The following TENM2 variants were observed in gnomAD, a reference collection of about 807,000 sequenced individuals.
The protein encoded by TENM2 is teneurin-2.
In TENM2, 52 loss-of-function variants were observed where a neutral mutation model predicts 245.2. That is an observed-to-expected ratio of 0.21 (90% CI 0.17 to 0.27). The LOEUF is 0.27. TENM2 is among the 10% of genes least tolerant of loss of function. TENM2 has a pLI of 1.00. For synonymous variants in TENM2, 1,363 were observed against 1,438.9 expected, an observed-to-expected ratio of 0.95 and a Z score of 1.19; for missense variants, 3,046 against 3,666.8, an observed-to-expected ratio of 0.83 and a Z score of 4.37.
In TENM2 at chr5:168,259,545, G is replaced by A. The variant is rs145932908; in HGVS notation, c.7433-738G>A. Among the ~76,000 whole-genome samples, 1,414 of 152,070 alleles carry A rather than the reference G, an allele frequency of 9.3e-3. 22 individuals carry two copies. The highest frequency in any genetic ancestry group is 0.032 in the African/African-American group (1,342 of 41,468). On this transcript the variant is annotated intron_variant, in intron 27 of 28. Transcript: ENST00000518659. Reference sequence around the variant, plus strand: ...GGAGTTTGCAGTGAGCTGAGATTGCGCCACCGCACTCCAGCCTGGGCAACA... The same window carrying A: ...GGAGTTTGCAGTGAGCTGAGATTGCACCACCGCACTCCAGCCTGGGCAACA...
intron 14 of TENM2, among the ~76,000 whole-genome samples, chr5:168,193,546 T>A (rs1761133316): frequency 6.6e-6 from 1 of 152,224 alleles, no homozygotes; most frequent in East Asian, 1.9e-4. Context: ...AGGAAGAATT[T>A]GAAAAATAGA....
intron 3 of TENM2, among the ~76,000 whole-genome samples, chr5:167,934,610 G>A (rs181873181): frequency 1.3e-5 from 2 of 152,330 alleles, no homozygotes; most frequent in Admixed American, 6.5e-5. Flanking sequence ...TGGAACGAGG[G>A]AGTTTGGCTG....
chr5:167,583,118 C>T (rs1489977176), intron 2 of TENM2, among the ~76,000 whole-genome samples: 2 of 152,120 alleles, frequency 1.3e-5, no homozygotes, highest in African/African-American at 4.8e-5. Flanking sequence ...GTGGAGTTGT[C>T]CGTGACTCTT....
At chr5:167,191,120 G>A in the TENM2 span, among the ~76,000 whole-genome samples, 4 of 151,826 alleles carry the variant, frequency 2.6e-5, no homozygotes, top group Non-Finnish European at 5.9e-5. Flanking sequence ...GTCAGGAAAG[G>A]AAATTCTAGA....
the TENM2 span, among the ~76,000 whole-genome samples, chr5:167,009,568 G>T: frequency 2.6e-5 from 4 of 152,116 alleles, no homozygotes; most frequent in Admixed American, 1.3e-4. Flanking sequence ...TCGTTGAATG[G>T]CATGGTCCCA....
At position 167,702,734 on chromosome 5, in the gene TENM2, G is replaced by A. The variant is rs1582793931; in HGVS notation, c.503-173252G>A. ...GGCTGGAGTGCAATGGTACAATCTC[G>A]ACTCACTGCAACCTCCGCCTCCTGG... is the stretch of plus-strand genomic sequence containing the variant. On this transcript the variant is annotated intron_variant, in intron 2 of 28. Transcript: ENST00000518659. 3.9e-5 allele frequency among the ~76,000 whole-genome samples: 6 copies of A among 151,952 alleles called. No individual in the cohort carries two copies. The South Asian group carries it at 1.0e-3, about 26-fold the overall frequency.
At chr5:167,487,573 A>T (rs2127538239) in intron 2 of TENM2, among the ~76,000 whole-genome samples, 1 of 152,244 alleles carries the variant, frequency 6.6e-6, no homozygotes, top group South Asian at 2.1e-4. Flanking sequence ...ATGTGGTCTG[A>T]TGTCTTTTCA....
intron 9 of TENM2, among the ~76,000 whole-genome samples, chr5:168,103,310 A>G (rs1323494010): frequency 1.3e-5 from 2 of 152,200 alleles, no homozygotes; most frequent in African/African-American, 4.8e-5. Flanking sequence ...CTATGTCCAC[A>G]TTTTAAATTT....
chr5:168,178,729 G>A (rs988735072), intron 13 of TENM2, among the ~76,000 whole-genome samples: 1 of 152,190 alleles, frequency 6.6e-6, no homozygotes, highest in Non-Finnish European at 1.5e-5. Flanking sequence ...TAAGTCCTGT[G>A]ACATTCAGAG....
At chr5:167,411,595 T>G (rs1004624943) in intron 2 of TENM2, among the ~76,000 whole-genome samples, 33 of 151,132 alleles carry the variant, frequency 2.2e-4, no homozygotes, top group Non-Finnish European at 4.4e-4. Context: ...TGTGTGTGTG[T>G]GTGTGTGTGT....
the TENM2 span, among the ~76,000 whole-genome samples, chr5:167,236,423 A>G: frequency 6.6e-6 from 1 of 152,100 alleles, no homozygotes; most frequent in Admixed American, 6.5e-5. Flanking sequence ...AGTGATTCCT[A>G]TCATTGAATT....
chr5:168,191,531 A>ACTG (rs1760961359), intron 14 of TENM2, among the ~76,000 whole-genome samples: 1 of 152,034 alleles, frequency 6.6e-6, no homozygotes, highest in African/African-American at 2.4e-5. Context: ...AGAAATAAAA[A>ACTG]CTGCTGGTCA....
rs188122891 is a variant in TENM2 at position 168,152,089 on chromosome 5, A to T, written c.2423-10522A>T. Among the ~76,000 whole-genome samples, 230 of 152,298 alleles carry T rather than the reference A, an allele frequency of 1.5e-3. 5 individuals are homozygous for T. The highest frequency in any genetic ancestry group is 0.015 in the Admixed American group (223 of 15,298). On this transcript the variant is annotated intron_variant, in intron 12 of 28. Transcript: ENST00000518659. ...TTTGGCCAAATTACTTAACTTTTCCATGCCTCCATTTCCTCACCTATAAAA... is the reference window on the plus strand; with the variant it reads ...TTTGGCCAAATTACTTAACTTTTCCTTGCCTCCATTTCCTCACCTATAAAA...
the TENM2 span, among the ~76,000 whole-genome samples, chr5:167,248,801 T>C: frequency 3.0e-5 from 1 of 33,868 alleles, no homozygotes; most frequent in Admixed American, 5.0e-4. Context: ...TATGTGTGCG[T>C]GTGTGTGTAT....
chr5:167,283,146 C>A (rs1375143593), upstream of TENM2, among the ~76,000 whole-genome samples: 1 of 151,934 alleles, frequency 6.6e-6, no homozygotes, highest in Non-Finnish European at 1.5e-5. Context: ...TGGGTTCCAG[C>A]AATTCTCCTG....
Position 167,536,847 on chromosome 5 carries a change from G to A in TENM2, c.502+161374G>A, listed in dbSNP as rs1012426440. ...AGCCTGGCCAACATGGTGAAGCCCTGTCTCTACTAAAAATATAAAAACAAA... is the reference window on the plus strand; with the variant it reads ...AGCCTGGCCAACATGGTGAAGCCCTATCTCTACTAAAAATATAAAAACAAA... On this transcript the variant is annotated intron_variant, in intron 2 of 28. Transcript: ENST00000518659. 2.6e-5 allele frequency among the ~76,000 whole-genome samples: 4 copies of A among 151,544 alleles called. No individual in the cohort carries two copies. In the East Asian group the frequency reaches 7.8e-4, roughly 30 times the overall value.
intron 2 of TENM2, among the ~76,000 whole-genome samples, chr5:167,649,999 T>C (rs1182463980): frequency 2.0e-5 from 3 of 152,210 alleles, no homozygotes; most frequent in African/African-American, 7.2e-5. Flanking sequence ...AAGTGGTTAT[T>C]GTGGTTGCTT....
At chr5:167,116,950 T>C in the TENM2 span, among the ~76,000 whole-genome samples, 15 of 152,208 alleles carry the variant, frequency 9.9e-5, no homozygotes, top group African/African-American at 3.4e-4. Flanking sequence ...GTAGTTTGCA[T>C]GGTGATGAAT....
rs538313932 is a variant in TENM2, at chr5:167,666,404, C to T, written c.503-209582C>T. ...AATAGTTTTTCAAAAATTTACCATA[C>T]GAGTAAACTTCCCAGTTTACTTAAG... On this transcript the variant is annotated intron_variant, in intron 2 of 28. Coordinates refer to ENST00000518659, the Ensembl canonical transcript of TENM2. Among the ~76,000 whole-genome samples the T allele has an allele frequency of 5.5e-4, 84 of 152,216 alleles. 6 individuals carry two copies. In the South Asian group the frequency reaches 0.017, roughly 30 times the overall value.
Sources: gnomAD v4.1 joint callset for allele counts (sites outside exome capture counted in the v4.1 genomes callset) on GRCh38, gnomAD v4.1.1 for gene constraint, MANE v1.5 for transcripts, NCBI Gene and HGNC (gene_info 2026-07-23, HGNC 2026-07-21) for gene names.